The following PSD2 variants were observed in gnomAD, a reference collection of about 807,000 sequenced individuals.
The protein encoded by PSD2 is pleckstrin and Sec7 domain containing 2, also known as PH and SEC7 domain-containing protein 2.
Under a neutral mutation model 69.8 loss-of-function variants are expected in PSD2, and 38 were observed. The observed-to-expected ratio is 0.54, with a 90% CI of 0.42 to 0.71. The LOEUF is 0.71. PSD2 is among the 30% of genes least tolerant of loss of function. The pLI, the probability that PSD2 is intolerant of heterozygous loss-of-function variation, is 0.00. For synonymous variants in PSD2, 412 were observed against 423.0 expected (o/e 0.97, Z 0.32); for missense variants, 943 against 1,014.5 (o/e 0.93, Z 0.96).
At chr5:139,789,120 T>C in the PSD2 span, among the ~76,000 whole-genome samples, 1 of 152,178 alleles carries the variant, frequency 6.6e-6, no homozygotes, top group African/African-American at 2.4e-5. Flanking sequence ...CCTGTCAGGG[T>C]TGCGGCCCAG....
At chr5:139,764,245 G>T in the PSD2 span, among the ~76,000 whole-genome samples, 6 of 152,328 alleles carry the variant, frequency 3.9e-5, no homozygotes, top group East Asian at 1.2e-3. Context: ...GTCCCCGTGT[G>T]ACTTGTCGCC....
chr5:139,820,121 G>A (rs1259651603), intron 5 of PSD2, among the ~76,000 whole-genome samples: 1 of 152,224 alleles, frequency 6.6e-6, no homozygotes, highest in Non-Finnish European at 1.5e-5. Context: ...GTGCCAAGAT[G>A]TGGGGAGGGT....
chr5:139,811,870 G>A (rs953795680), intron 2 of PSD2, among the ~76,000 whole-genome samples: 2 of 152,112 alleles, frequency 1.3e-5, no homozygotes, highest in Non-Finnish European at 2.9e-5. Context: ...TGGGATTACA[G>A]CCGTGAGCCA....
chr5:139,788,187 C>G, the PSD2 span, among the ~76,000 whole-genome samples: 67 of 151,996 alleles, frequency 4.4e-4, no homozygotes, highest in South Asian at 3.7e-3. Context: ...GCGCCCCCCC[C>G]CGAACCCGTG....
chr5:139,827,463 A>G (rs1469052253), intron 7 of PSD2, among the ~76,000 whole-genome samples: 1 of 152,262 alleles, frequency 6.6e-6, no homozygotes, highest in Non-Finnish European at 1.5e-5. Flanking sequence ...CTAGGCACAT[A>G]TGACAGAAGC....
intron 7 of PSD2, among the ~76,000 whole-genome samples, chr5:139,826,843 G>A (rs185925764): frequency 1.3e-5 from 2 of 152,274 alleles, no homozygotes; most frequent in African/African-American, 2.4e-5. Flanking sequence ...TCCCCTACAT[G>A]GGCCCGATAG....
chr5:139,786,242 A>G, the PSD2 span, among the ~76,000 whole-genome samples: 2 of 152,008 alleles, frequency 1.3e-5, no homozygotes, highest in African/African-American at 4.8e-5. Context: ...AAAATTAGCC[A>G]GGTGTGGTGG....
intron 14 of PSD2, 89 bp from the exon 15 acceptor site, chr5:139,842,182 A>G (rs1371724284): frequency 6.8e-6 from 7 of 1,030,258 alleles, no homozygotes; most frequent in African/African-American, 6.4e-5. Flanking sequence ...CTCTCTGCAT[A>G]TTAAGGAAAT....
At chr5:139,778,862 G>A in the PSD2 span, among the ~76,000 whole-genome samples, 1 of 150,576 alleles carries the variant, frequency 6.6e-6, no homozygotes, top group African/African-American at 2.4e-5. Flanking sequence ...CCAGGATGTC[G>A]AGGCTGCAGT....
chr5:139,828,779 GA>G (rs565827478), intron 7 of PSD2, among the ~76,000 whole-genome samples: 194 of 152,302 alleles, frequency 1.3e-3, no homozygotes, highest in African/African-American at 4.3e-3. Flanking sequence ...CAAAGGCAGT[GA>G]CACAGTTTTA....
In PSD2 at chr5:139,839,465, T is replaced by A. The variant is rs555671520; in HGVS notation, c.1969-562T>A. On this transcript the variant is annotated intron_variant, in intron 13 of 14. Coordinates refer to ENST00000274710, the MANE Select transcript of PSD2 (RefSeq NM_032289.4). The surrounding 1 kb of genome is among the most constrained non-coding windows in gnomAD (Gnocchi z 5.1). ...GGTGACTCATACACACATGCATGCA[T>A]GTGCACACAGCACCAGGGGGCCTGG... Among the ~76,000 whole-genome samples, 1 of 152,376 alleles carries A rather than the reference T, an allele frequency of 6.6e-6. No individual in the cohort carries two copies. Among genetic ancestry groups the A allele is most frequent in the South Asian group, 2.1e-4 (1 of 4,834 alleles).
intron 8 of PSD2, among the ~76,000 whole-genome samples, chr5:139,835,106 CCCCACCCATTCACTTACCCGCCAACCCA>C (rs1760684968): frequency 6.6e-6 from 1 of 151,748 alleles, no homozygotes; most frequent in African/African-American, 2.4e-5. Context: ...TCACCCATTT[CCCCACCCATTCACTTACCCGCCAACCCA>C]CCCACCCATT....
At chr5:139,757,296 C>T in the PSD2 span, among the ~76,000 whole-genome samples, 2,449 of 152,332 alleles carry the variant, frequency 0.016, 65 homozygotes, top group African/African-American at 0.057. Flanking sequence ...CTGCTTACAG[C>T]CCTTGGGCAA....
chr5:139,807,416 A>G (rs918399791), intron 1 of PSD2, among the ~76,000 whole-genome samples: 18 of 143,890 alleles, frequency 1.3e-4, no homozygotes, highest in Admixed American at 1.0e-3. Flanking sequence ...TCCTCTGAGT[A>G]TACAACCAGA....
intron 5 of PSD2, 114 bp from the exon 6 acceptor site, chr5:139,821,779 G>A: frequency 1.7e-6 from 1 of 592,446 alleles, no homozygotes. Context: ...GACCCAGAGA[G>A]TGGGGCACTG....
At chr5:139,743,445 T>C in the PSD2 span, among the ~76,000 whole-genome samples, 1 of 152,060 alleles carries the variant, frequency 6.6e-6, no homozygotes, top group Non-Finnish European at 1.5e-5. Context: ...GTGTGTTTGG[T>C]GTGAGTGCTG....
At chr5:139,752,175 C>T in the PSD2 span, among the ~76,000 whole-genome samples, 1 of 152,242 alleles carries the variant, frequency 6.6e-6, no homozygotes, top group South Asian at 2.1e-4. Flanking sequence ...CTCCTCAAAG[C>T]TTAGTTCTCC....
At chr5:139,816,761 C>G (rs1206718292) in intron 4 of PSD2, among the ~76,000 whole-genome samples, 1 of 152,210 alleles carries the variant, frequency 6.6e-6, no homozygotes, top group African/African-American at 2.4e-5. Context: ...CACCCCGATT[C>G]GGGGCTCTGG....
At chr5:139,751,070 G>T in the PSD2 span, among the ~76,000 whole-genome samples, 2 of 152,184 alleles carry the variant, frequency 1.3e-5, no homozygotes, top group African/African-American at 2.4e-5. Context: ...GCAGGGTCTG[G>T]ATATCACTGT....
Sources: gnomAD v4.1 joint callset for allele counts (sites outside exome capture counted in the v4.1 genomes callset) on GRCh38, gnomAD v4.1.1 for gene constraint, Gnocchi (gnomAD v3.1) non-coding constraint, MANE v1.5 for transcripts, NCBI Gene and HGNC (gene_info 2026-07-23, HGNC 2026-07-21) for gene names.